KLHL20: variants seen among roughly 807,000 people sequenced by gnomAD.
KLHL20 encodes the protein kelch-like protein 20.
Under a neutral mutation model 69.5 loss-of-function variants are expected in KLHL20, and 29 were observed. The observed-to-expected ratio is 0.42, with a 90% CI of 0.31 to 0.57. The LOEUF is 0.57. KLHL20 is among the 20% of genes least tolerant of loss of function. The pLI, the probability that KLHL20 is intolerant of heterozygous loss-of-function variation, is 0.18. For synonymous variants in KLHL20, 253 were observed against 265.2 expected, an observed-to-expected ratio of 0.95 and a Z score of 0.45; for missense variants, 419 against 776.0, an observed-to-expected ratio of 0.54 and a Z score of 5.47.
chr1:173,756,826 T>A (rs1673570640), intron 6 of KLHL20, 150 bp from the exon 7 acceptor site: 2 of 594,084 alleles, frequency 3.4e-6, no homozygotes, highest in South Asian at 5.4e-5. Flanking sequence ...GCAATCCCAG[T>A]GGAATGAGTT....
chr1:173,755,709 T>C (rs6663880), intron 5 of KLHL20, among the ~76,000 whole-genome samples: 13,728 of 152,248 alleles, frequency 0.09, 2,007 homozygotes, highest in African/African-American at 0.31. Flanking sequence ...CAGTGAGACA[T>C]GAGTCATGAT....
intron 2 of KLHL20, among the ~76,000 whole-genome samples, chr1:173,732,013 C>T (rs1349210882): frequency 6.6e-5 from 10 of 151,946 alleles, no homozygotes; most frequent in Middle Eastern, 3.4e-3. Context: ...CTGGCTAACT[C>T]GGTGAAACCC....
chr1:173,725,662 A>G (rs1443112495), intron 2 of KLHL20, among the ~76,000 whole-genome samples: 1 of 152,172 alleles, frequency 6.6e-6, no homozygotes, highest in Non-Finnish European at 1.5e-5. Flanking sequence ...GACAACACCT[A>G]CTTAAATGTA....
intron 7 of KLHL20, 91 bp downstream of exon 7, chr1:173,757,250 G>A (rs1673591218): frequency 7.9e-7 from 1 of 1,263,388 alleles, no homozygotes; most frequent in Admixed American, 2.2e-5. Flanking sequence ...TAATGCTTTA[G>A]TATTGCATCT....
intron 8 of KLHL20, among the ~76,000 whole-genome samples, chr1:173,768,731 G>T (rs146705852): frequency 2.0e-4 from 30 of 152,260 alleles, no homozygotes; most frequent in Middle Eastern, 6.8e-3. Flanking sequence ...GGTTAAGATG[G>T]TAAATTTTAT....
intron 3 of KLHL20, among the ~76,000 whole-genome samples, chr1:173,738,567 G>A (rs577046132): frequency 1.3e-5 from 2 of 152,276 alleles, no homozygotes; most frequent in South Asian, 2.1e-4. Flanking sequence ...TCTTTGTCTT[G>A]TTCCAGTTCT....
intron 5 of KLHL20, among the ~76,000 whole-genome samples, chr1:173,755,534 A>G (rs747504163): frequency 1.3e-5 from 2 of 152,208 alleles, no homozygotes; most frequent in Non-Finnish European, 2.9e-5. Flanking sequence ...TTAATCTAGC[A>G]AATAACTATT....
chr1:173,733,881 C>G lies in KLHL20; in HGVS notation c.192C>G (p.His64Gln). Reference sequence around the variant, plus strand: ...AAGTGATTAACCTTCTGAGAAAGCACCGGGAGCTATGTGATGTGGTGCTAG... The same window carrying G: ...AAGTGATTAACCTTCTGAGAAAGCAGCGGGAGCTATGTGATGTGGTGCTAG... ...TLEVINLLRK[H>Q]RELCDVVLVV... The change falls in exon 3 of 12, where the codon CAC becomes CAG. Residue 64 changes from histidine (H) to glutamine (Q), a missense_variant. Transcript: ENST00000209884. The G allele has an allele frequency of 1.2e-6, 2 of 1,614,128 alleles. No individual in the cohort carries two copies. Among genetic ancestry groups the G allele is most frequent in the South Asian group, 1.1e-5 (1 of 91,076 alleles).
At chr1:173,776,879 C>G (rs1648507928) in intron 10 of KLHL20, among the ~76,000 whole-genome samples, 1 of 152,018 alleles carries the variant, frequency 6.6e-6, no homozygotes, top group South Asian at 2.1e-4. Flanking sequence ...GGTCTTGTTG[C>G]TCAAGATAGC....
intron 11 of KLHL20, among the ~76,000 whole-genome samples, chr1:173,783,106 G>T (rs549496742): frequency 2.6e-5 from 4 of 152,228 alleles, no homozygotes; most frequent in African/African-American, 9.6e-5. Context: ...TTGATGTATG[G>T]CATATCTGTA....
At chr1:173,720,970 A>T (rs111504839) in intron 2 of KLHL20, among the ~76,000 whole-genome samples, 42 of 147,518 alleles carry the variant, frequency 2.8e-4, no homozygotes, top group South Asian at 2.1e-3. Flanking sequence ...CTAGAAATTT[A>T]AAAAAAAAAA....
intron 2 of KLHL20, among the ~76,000 whole-genome samples, chr1:173,731,659 T>C (rs1190625883): frequency 3.6e-5 from 5 of 140,270 alleles, no homozygotes; most frequent in Admixed American, 2.5e-4. Flanking sequence ...TAGGTGGGAA[T>C]TGAACAATGA....
intron 10 of KLHL20, among the ~76,000 whole-genome samples, chr1:173,778,256 C>T (rs1376910838): frequency 6.6e-6 from 1 of 150,802 alleles, no homozygotes; most frequent in Non-Finnish European, 1.5e-5. Flanking sequence ...GGTGTGTGTT[C>T]CCCGCCCTGT....
chr1:173,748,545 C>CT (rs1167757239), intron 3 of KLHL20, among the ~76,000 whole-genome samples: 1 of 152,132 alleles, frequency 6.6e-6, no homozygotes, highest in East Asian at 1.9e-4. Context: ...TGATAACAGA[C>CT]TTGTCTCTTC....
At chr1:173,750,426 C>T (rs2102496415) in intron 3 of KLHL20, among the ~76,000 whole-genome samples, 1 of 152,162 alleles carries the variant, frequency 6.6e-6, no homozygotes, top group South Asian at 2.1e-4. Context: ...CCATTCACCT[C>T]AGCCACTGGA....
chr1:173,736,709 C>T (rs1426991042), intron 3 of KLHL20, among the ~76,000 whole-genome samples: 2 of 152,022 alleles, frequency 1.3e-5, no homozygotes, highest in Non-Finnish European at 2.9e-5. Context: ...GATTCTCCCA[C>T]CTCAGCCTCC....
intron 3 of KLHL20, among the ~76,000 whole-genome samples, chr1:173,745,640 A>G (rs960611735): frequency 2.0e-5 from 3 of 152,206 alleles, no homozygotes; most frequent in Non-Finnish European, 2.9e-5. Flanking sequence ...TTGGAATCCT[A>G]TTATATCACC....
intron 2 of KLHL20, among the ~76,000 whole-genome samples, chr1:173,728,132 G>C (rs1672070055): frequency 6.6e-6 from 1 of 152,258 alleles, no homozygotes; most frequent in African/African-American, 2.4e-5. Flanking sequence ...AACCAACAAA[G>C]ATCAAAAGAG....
chr1:173,744,364 G>A (rs550103870), intron 3 of KLHL20, among the ~76,000 whole-genome samples: 3 of 152,118 alleles, frequency 2.0e-5, no homozygotes, highest in South Asian at 4.1e-4. Flanking sequence ...ATTTTTTAAA[G>A]TTCTCTATAT....
Sources: gnomAD v4.1 joint callset for allele counts (sites outside exome capture counted in the v4.1 genomes callset) on GRCh38, gnomAD v4.1.1 for gene constraint, MANE v1.5 for transcripts, NCBI Gene and HGNC (gene_info 2026-07-23, HGNC 2026-07-21) for gene names.